DIPK1C: variants seen among roughly 807,000 people sequenced by gnomAD.
The protein encoded by DIPK1C is familial non-conventional Alzheimer's dementia.
DIPK1C carries 33 observed loss-of-function variants against 28.0 expected under a neutral mutation model. The observed-to-expected ratio is 1.18, with a 90% CI of 0.89 to 1.58. The LOEUF is 1.58. Among genes scored for constraint, DIPK1C ranks in the 40% most tolerant of loss-of-function variants. The pLI is 0.00. For synonymous variants in DIPK1C, 255 were observed against 248.8 expected (o/e 1.02, Z -0.23); for missense variants, 569 against 568.5 (o/e 1.00, Z -0.01).
At chr18:74,455,848 TCACGATGA>T (rs1030517057) in intron 1 of DIPK1C, among the ~76,000 whole-genome samples, 7 of 152,106 alleles carry the variant, frequency 4.6e-5, no homozygotes, top group African/African-American at 1.7e-4. Context: ...TATGTTCAAT[TCACGATGA>T]CACGATGACA....
intron 3 of DIPK1C, among the ~76,000 whole-genome samples, chr18:74,438,710 T>C (rs1986052595): frequency 6.6e-6 from 1 of 152,260 alleles, no homozygotes. Context: ...GCCCTTGCTT[T>C]AGGTTGGTTC....
intron 3 of DIPK1C, among the ~76,000 whole-genome samples, chr18:74,441,232 C>T (rs77711136): frequency 0.011 from 1,677 of 152,296 alleles, 31 homozygotes; most frequent in African/African-American, 0.038. Context: ...TCCAGAGCCT[C>T]TGTAAGCCAT....
Position 74,457,138 on chromosome 18 carries a change from A to C in DIPK1C, c.122T>G (p.Leu41Arg), listed in dbSNP as rs1047137068. The C allele has an allele frequency of 1.7e-5, 24 of 1,434,928 alleles. No homozygotes were observed. The African/African-American group carries it at 3.1e-4, about 19-fold the overall frequency. The allele number at this position is 1,434,928 out of a possible 1,614,324, so 88.9% of individuals were successfully genotyped here. Residue 41 changes from leucine to arginine, a missense_variant, in exon 1 of 4, where the codon CTG (leucine) becomes CGG (arginine). Physicochemically the swap from Leu to Arg is moderately radical, Grantham distance 102 (BLOSUM62 -2). Coordinates refer to ENST00000343998, the MANE Select transcript of DIPK1C (RefSeq NM_001044369.3). The part of the protein sequence containing the change: ...WTAGWVLAAA[L>R]LLRAHPGVLS... ...GACACCCGGGTGCGCGCGGAGCAGC[A>C]GCGCGGCCGCCAGCACCCAGCCCGC...
At chr18:74,452,936 C>G (rs1238870159) in intron 1 of DIPK1C, among the ~76,000 whole-genome samples, 1 of 151,980 alleles carries the variant, frequency 6.6e-6, no homozygotes, top group Non-Finnish European at 1.5e-5. Flanking sequence ...AATGTGTGCG[C>G]ATATAAAATC....
intron 1 of DIPK1C, among the ~76,000 whole-genome samples, chr18:74,454,511 GA>G (rs1437353555): frequency 1.3e-5 from 2 of 152,270 alleles, no homozygotes; most frequent in East Asian, 3.8e-4. Flanking sequence ...GGCGCTGCCA[GA>G]AAGTCTCCCT....
At chr18:74,462,357 C>T (rs1363308304), upstream of DIPK1C, among the ~76,000 whole-genome samples, 1 of 152,198 alleles carries the variant, frequency 6.6e-6, no homozygotes, top group African/African-American at 2.4e-5. Context: ...TTGCACCTGG[C>T]TTCTTTCACT....
intron 2 of DIPK1C, among the ~76,000 whole-genome samples, chr18:74,442,485 C>T (rs1427250618): frequency 1.1e-4 from 16 of 152,026 alleles, no homozygotes; most frequent in Admixed American, 6.6e-4. Context: ...CCCACCACCA[C>T]ACCCGGCTAA....
At chr18:74,461,045 C>T (rs568189953), upstream of DIPK1C, among the ~76,000 whole-genome samples, 11 of 152,316 alleles carry the variant, frequency 7.2e-5, no homozygotes, top group South Asian at 2.1e-4. Context: ...CCCAGGGCCA[C>T]GGGTGAGGTC....
At chr18:74,456,077 A>G (rs1230184782) in intron 1 of DIPK1C, among the ~76,000 whole-genome samples, 1 of 152,234 alleles carries the variant, frequency 6.6e-6, no homozygotes, top group Non-Finnish European at 1.5e-5. Context: ...TTTTTAGAAA[A>G]TAGATCTCTT....
At chr18:74,441,009 G>A (rs1356121229) in intron 3 of DIPK1C, among the ~76,000 whole-genome samples, 2 of 152,302 alleles carry the variant, frequency 1.3e-5, no homozygotes, top group East Asian at 1.9e-4. Flanking sequence ...TGGCCTGGCT[G>A]GGACCACTAG....
chr18:74,446,661 C>A lies in DIPK1C; in HGVS notation c.821G>T (p.Arg274Leu), dbSNP rs1480927037. The change falls in exon 2 of 4, where the codon CGC (arginine) becomes CTC (leucine). Residue 274 changes from arginine to leucine, a missense_variant. By Grantham distance (102) the Arg-to-Leu change is moderately radical (BLOSUM62 -2). Transcript: ENST00000343998. ...CGGCTTGATGTCGCAGAGGTGGAGG[C>A]GGTGGGAAAAGTCACTGTCAAAATG... is the stretch of plus-strand genomic sequence containing the variant. ...VNHFDSDFSHRLHLCDIKPEN... is the reference protein window; with the variant it reads ...VNHFDSDFSHLLHLCDIKPEN... 3 of 1,503,976 alleles carry A rather than the reference C, an allele frequency of 2.0e-6. No homozygotes were observed. The highest frequency in any genetic ancestry group is 2.7e-6 in the Non-Finnish European group (3 of 1,124,910). The allele number at this position is 1,503,976 out of a possible 1,614,324, so 93.2% of individuals were successfully genotyped here. A position where few individuals can be genotyped will look rare whatever the true frequency, so the allele number is the denominator to read the frequency against.
At chr18:74,439,170 G>A (rs1986064386) in intron 3 of DIPK1C, among the ~76,000 whole-genome samples, 1 of 146,888 alleles carries the variant, frequency 6.8e-6, no homozygotes, top group Non-Finnish European at 1.5e-5. Flanking sequence ...CTTAGGCTTT[G>A]TTCATACTTA....
At position 74,436,481 on chromosome 18, in the gene DIPK1C, T is replaced by C. The variant is rs761191855; in HGVS notation, c.*20A>G. The C allele has an allele frequency of 1.9e-6, 3 of 1,569,792 alleles. No homozygotes were observed. The highest frequency in any genetic ancestry group is 2.3e-4 in the Middle Eastern group (1 of 4,316). On this transcript the variant is annotated 3_prime_UTR_variant, in exon 4 of 4. Coordinates refer to ENST00000343998, the MANE Select transcript of DIPK1C (RefSeq NM_001044369.3). Reference sequence around the variant, plus strand: ...CAAGGTCACTTTTCCTGTGTGAGCATGTTTAAGGCCAGAGAGTGGCTACTT... The same window carrying C: ...CAAGGTCACTTTTCCTGTGTGAGCACGTTTAAGGCCAGAGAGTGGCTACTT...
intron 1 of DIPK1C, among the ~76,000 whole-genome samples, chr18:74,448,326 G>T (rs1986320579): frequency 6.6e-6 from 1 of 152,164 alleles, no homozygotes; most frequent in Non-Finnish European, 1.5e-5. Flanking sequence ...TTCCTTCCAG[G>T]AACTTCTATA....
At chr18:74,463,676 A>T in the DIPK1C span, among the ~76,000 whole-genome samples, 5 of 152,156 alleles carry the variant, frequency 3.3e-5, no homozygotes, top group African/African-American at 1.2e-4. Context: ...CGCAGGGGAA[A>T]ACATATCGTG....
Position 74,457,079 on chromosome 18 carries a change from G to A in DIPK1C, c.181C>T (p.Arg61Cys), listed in dbSNP as rs1166352097. The A allele has an allele frequency of 6.8e-7, 1 of 1,466,406 alleles. No individual in the cohort carries two copies. Among genetic ancestry groups the A allele is most frequent in the Non-Finnish European group, 8.9e-7 (1 of 1,117,404 alleles). 90.8% of individuals were successfully genotyped at this position (1,466,406 alleles called of 1,614,324 possible). Residue 61 changes from arginine (R) to cysteine (C), a missense_variant, in exon 1 of 4, where the codon CGC becomes TGC. By Grantham distance (180) the Arg-to-Cys change is radical. Transcript: ENST00000343998. ...SERCTDEKSR[R>C]ILAALCQDYQ... is the part of the protein sequence containing the mutation. ...GGACCTACCAGCGCGGCCAGGATGC[G>A]CCGGCTCTTCTCGTCGGTGCAGCGC...
chr18:74,444,910 T>C (rs1986225156), intron 2 of DIPK1C, among the ~76,000 whole-genome samples: 1 of 152,194 alleles, frequency 6.6e-6, no homozygotes. Flanking sequence ...AGGCACAACT[T>C]AGGGGGCTCC....
At chr18:74,442,917 G>A (rs1325212591) in intron 2 of DIPK1C, among the ~76,000 whole-genome samples, 1 of 152,196 alleles carries the variant, frequency 6.6e-6, no homozygotes, top group Non-Finnish European at 1.5e-5. Context: ...ATCCAGGGAA[G>A]CCACATTCGA....
chr18:74,452,283 C>T (rs1454689609), intron 1 of DIPK1C, among the ~76,000 whole-genome samples: 1 of 152,140 alleles, frequency 6.6e-6, no homozygotes, highest in Non-Finnish European at 1.5e-5. Flanking sequence ...TCAGTTCCTA[C>T]TCTTCTTATG....
Sources: allele counts gnomAD v4.1 joint callset (sites outside exome capture counted in the v4.1 genomes callset), GRCh38; gene constraint gnomAD v4.1.1; transcripts MANE v1.5; gene names NCBI Gene and HGNC (gene_info 2026-07-23, HGNC 2026-07-21).